The following RORA variants were observed in gnomAD, a reference collection of about 807,000 sequenced individuals.
RORA encodes RAR related orphan receptor A.
Under a neutral mutation model 69.5 loss-of-function variants are expected in RORA, and 7 were observed. That is an observed-to-expected ratio of 0.10 (90% CI 0.06 to 0.19). The LOEUF (loss-of-function observed/expected upper bound fraction) is 0.19, where lower values mean the gene tolerates loss of function less well. Ranked by LOEUF, RORA falls within the 10% of genes least tolerant of loss-of-function variation. The probability of loss-of-function intolerance (pLI) is 1.00; values close to 1 mark genes in which losing one functional copy is unlikely to be tolerated. For missense variants in RORA, 457 were observed against 663.0 expected (o/e 0.69, Z 3.41); for synonymous variants, 261 against 240.8 (o/e 1.08, Z -0.78).
intron 1 of RORA, among the ~76,000 whole-genome samples, chr15:60,752,777 G>A (rs2071744527): frequency 6.6e-6 from 1 of 152,080 alleles, no homozygotes; most frequent in Non-Finnish European, 1.5e-5. Flanking sequence ...CCCAGGCCTG[G>A]TGCAGGGGCC....
intron 1 of RORA, among the ~76,000 whole-genome samples, chr15:60,876,325 G>A (rs553773406): frequency 4.5e-5 from 6 of 134,222 alleles, no homozygotes; most frequent in South Asian, 2.5e-4. Context: ...GGGGGGGGGG[G>A]GCGGCTAGGA....
chr15:61,168,209 C>T (rs965481063), intron 1 of RORA, among the ~76,000 whole-genome samples: 3 of 149,220 alleles, frequency 2.0e-5, no homozygotes, highest in Admixed American at 6.6e-5. Context: ...CACGCGCGTG[C>T]GTGCGTGCGT....
At chr15:60,903,114 C>A (rs950506806) in intron 1 of RORA, among the ~76,000 whole-genome samples, 1 of 152,148 alleles carries the variant, frequency 6.6e-6, no homozygotes, top group African/African-American at 2.4e-5. Flanking sequence ...AGGTGGCACT[C>A]CAGTGGTCAA....
At chr15:61,067,169 TGG>T (rs2078275099) in intron 1 of RORA, among the ~76,000 whole-genome samples, 1 of 151,464 alleles carries the variant, frequency 6.6e-6, no homozygotes, top group South Asian at 2.1e-4. Flanking sequence ...TGGAGTGCAG[TGG>T]CATGATCTCA....
intron 1 of RORA, among the ~76,000 whole-genome samples, chr15:61,000,321 G>T (rs1894707000): frequency 6.6e-6 from 1 of 152,176 alleles, no homozygotes; most frequent in Admixed American, 6.5e-5. Context: ...AGATTAACTG[G>T]ACATTTTAAG....
intron 1 of RORA, among the ~76,000 whole-genome samples, chr15:60,741,363 G>C (rs1446687535): frequency 6.6e-6 from 1 of 152,164 alleles, no homozygotes; most frequent in African/African-American, 2.4e-5. Context: ...TGTTTACTCT[G>C]TTCATATGAT....
intron 1 of RORA, among the ~76,000 whole-genome samples, chr15:61,220,995 C>T (rs969164138): frequency 5.3e-5 from 8 of 152,166 alleles, no homozygotes; most frequent in Non-Finnish European, 1.0e-4. Context: ...CCTATTTCAT[C>T]CTTCTTATCT....
At chr15:61,211,513 C>G (rs1049583668) in intron 1 of RORA, among the ~76,000 whole-genome samples, 1 of 152,206 alleles carries the variant, frequency 6.6e-6, no homozygotes, top group African/African-American at 2.4e-5. Context: ...CCATAAAAAA[C>G]AGGCTTTCCT....
intron 2 of RORA, among the ~76,000 whole-genome samples, chr15:60,568,568 C>G (rs540510945): frequency 1.3e-5 from 2 of 152,124 alleles, no homozygotes; most frequent in Non-Finnish European, 2.9e-5. Context: ...GAAGTCTAGT[C>G]GAGATCTCAC....
chr15:61,058,795 T>C (rs894112005), intron 1 of RORA, among the ~76,000 whole-genome samples: 5 of 152,164 alleles, frequency 3.3e-5, no homozygotes, highest in African/African-American at 1.2e-4. Flanking sequence ...CACTGTAAAC[T>C]AGGCAAGGAC....
At chr15:61,149,467 A>G (rs1274131720) in intron 1 of RORA, among the ~76,000 whole-genome samples, 2 of 111,764 alleles carry the variant, frequency 1.8e-5, no homozygotes, top group African/African-American at 5.5e-5. Flanking sequence ...AGCGGTTAAG[A>G]AGACACTATT....
chr15:61,218,748 T>C (rs1293528617), intron 1 of RORA, among the ~76,000 whole-genome samples: 2 of 151,096 alleles, frequency 1.3e-5, no homozygotes, highest in African/African-American at 4.9e-5. Flanking sequence ...CCATGCACAC[T>C]GCTATGAAAG....
chr15:60,994,321 C>T (rs564619680), intron 1 of RORA, among the ~76,000 whole-genome samples: 1 of 152,166 alleles, frequency 6.6e-6, no homozygotes, highest in Non-Finnish European at 1.5e-5. Context: ...GCTTCCAAGG[C>T]GAATCTCCTC....
At chr15:60,670,505 C>T (rs891672069) in intron 2 of RORA, among the ~76,000 whole-genome samples, 22 of 152,090 alleles carry the variant, frequency 1.4e-4, no homozygotes, top group South Asian at 4.2e-4. Flanking sequence ...CCACCATGCC[C>T]GGCCACTCCT....
intron 1 of RORA, among the ~76,000 whole-genome samples, chr15:61,193,364 G>A (rs2079818383): frequency 1.3e-5 from 2 of 152,204 alleles, no homozygotes; most frequent in Non-Finnish European, 2.9e-5. Flanking sequence ...GCTGCAGGGT[G>A]GAGAAGGAGG....
At chr15:60,554,323 T>G (rs2067300972) in intron 2 of RORA, among the ~76,000 whole-genome samples, 1 of 152,226 alleles carries the variant, frequency 6.6e-6, no homozygotes, top group African/African-American at 2.4e-5. Context: ...AAATATTTTC[T>G]GTCCTCATTC....
chr15:60,886,230 TA>T (rs1435084553), intron 1 of RORA, among the ~76,000 whole-genome samples: 3 of 151,990 alleles, frequency 2.0e-5, no homozygotes, highest in Non-Finnish European at 4.4e-5. Context: ...ATATGAACAT[TA>T]AAAAAAGATC....
chr15:60,837,687 C>T (rs987654150), intron 1 of RORA, among the ~76,000 whole-genome samples: 1 of 152,338 alleles, frequency 6.6e-6, no homozygotes, highest in East Asian at 1.9e-4. Flanking sequence ...TGCACCATTT[C>T]CCCCGCTAAA....
intron 3 of RORA, among the ~76,000 whole-genome samples, chr15:60,522,862 G>C (rs2066217710): frequency 6.6e-6 from 1 of 151,356 alleles, no homozygotes; most frequent in Admixed American, 6.6e-5. Flanking sequence ...ACGAGGTCAG[G>C]AGTTCGAGAC....
Sources: gnomAD v4.1 joint callset for allele counts (sites outside exome capture counted in the v4.1 genomes callset) on GRCh38, gnomAD v4.1.1 for gene constraint, MANE v1.5 for transcripts, NCBI Gene and HGNC (gene_info 2026-07-23, HGNC 2026-07-21) for gene names.